The following SATB1 variants were observed in gnomAD, a reference collection of about 807,000 sequenced individuals.
The protein encoded by SATB1 is DNA-binding protein SATB1.
Under a neutral mutation model 86.9 loss-of-function variants are expected in SATB1, and 11 were observed. The observed-to-expected ratio is 0.13, with a 90% CI of 0.08 to 0.21. The LOEUF (loss-of-function observed/expected upper bound fraction) is 0.21. SATB1 is among the 10% of genes least tolerant of loss of function. SATB1 has a pLI of 1.00. For missense variants in SATB1, 551 were observed against 937.6 expected, an observed-to-expected ratio of 0.59 and a Z score of 5.39; for synonymous variants, 357 against 357.2, an observed-to-expected ratio of 1.00 and a Z score of 0.01.
chr3:18,392,110 T>C (rs1355325424), intron 7 of SATB1, among the ~76,000 whole-genome samples: 3 of 152,336 alleles, frequency 2.0e-5, no homozygotes, highest in Admixed American at 6.5e-5. Context: ...TTTTTGGTAA[T>C]GACTTTTTTT....
chr3:18,413,618 A>T (rs1230664204), intron 5 of SATB1, among the ~76,000 whole-genome samples: 1 of 151,114 alleles, frequency 6.6e-6, no homozygotes, highest in Non-Finnish European at 1.5e-5. Context: ...TTCATTTGTG[A>T]TTAATTTAAA....
Position 18,444,620 on chromosome 3 carries a change from T to C in SATB1, c.-25+898A>G, listed in dbSNP as rs2125216587. On this transcript the variant is annotated intron_variant, in intron 1 of 3. Coordinates refer to the SATB1 transcript ENST00000415069. This position sits in a 1 kb window ranked among gnomAD's most constrained non-coding sequence, Gnocchi z 5.1. ...AGCAGAACTCACTCAGGCATGGACG[T>C]TGGGGGCGGCGGTGGCTGTCGAGTG... 3.0e-6 allele frequency: 3 copies of C among 985,118 alleles called. No individual in the cohort carries two copies. Among genetic ancestry groups the C allele is most frequent in the South Asian group, 4.7e-5 (1 of 21,346 alleles). The allele number at this position is 985,118 out of a possible 1,614,324, so 61.0% of individuals were successfully genotyped here.
In SATB1 at chr3:18,378,067, C is replaced by T. The variant is rs1396070981; in HGVS notation, c.1575+103G>A. 1.6e-5 allele frequency: 15 copies of T among 928,076 alleles called. No individual in the cohort carries two copies. The Admixed American group carries it at 4.2e-4, about 26-fold the overall frequency. 57.5% of individuals were successfully genotyped at this position (928,076 alleles called of 1,614,324 possible). A position where few individuals can be genotyped will look rare whatever the true frequency, so the allele number is the denominator to read the frequency against. On this transcript the variant is annotated intron_variant, in intron 9 of 10. Transcript: ENST00000338745. ...CTGGAAATAATCCTAGACACAGAGG[C>T]CTCTCCGTGATGCAAGTTCATACTG... is the stretch of plus-strand genomic sequence containing the variant.
rs768125198 is a variant in SATB1, at chr3:18,349,756, A to T, written c.1780-74T>A. 3.5e-5 allele frequency: 53 copies of T among 1,509,808 alleles called. No individual in the cohort carries two copies. Among genetic ancestry groups the T allele is most frequent in the Non-Finnish European group, 4.6e-5 (52 of 1,130,630 alleles). The allele number at this position is 1,509,808 out of a possible 1,614,324, so 93.5% of individuals were successfully genotyped here. ...ACACAAAGCCGTCTCCAATCAGGAA[A>T]AATGTGGTCCCGGATCCTACATATA... On this transcript the variant is annotated intron_variant, in intron 10 of 10. Coordinates refer to ENST00000338745, the MANE Select transcript of SATB1 (RefSeq NM_002971.6). The surrounding 1 kb of genome is among the most constrained non-coding windows in gnomAD (Gnocchi z 5.5).
chr3:18,379,474 T>C lies in SATB1; in HGVS notation c.1420-1149A>G, dbSNP rs1400827109. On this transcript the variant is annotated intron_variant, in intron 8 of 10. Coordinates refer to ENST00000338745, the MANE Select transcript of SATB1 (RefSeq NM_002971.6). ...TCTATCCTCTAGAAACTTACCATCC[T>C]GGACAATTTCTCACATAAACCATGA... Among the ~76,000 whole-genome samples the C allele has an allele frequency of 3.9e-5, 6 of 152,216 alleles. No individual in the cohort carries two copies. The East Asian group carries it at 1.2e-3, about 29-fold the overall frequency.
At chr3:18,362,883 CA>C (rs1313335792) in intron 9 of SATB1, among the ~76,000 whole-genome samples, 1 of 51,060 alleles carries the variant, frequency 2.0e-5, no homozygotes, top group Non-Finnish European at 5.2e-5. Flanking sequence ...AAAAAAAAAC[CA>C]AAACCCCAAA....
At chr3:18,383,644 CTGTGT>C (rs1696169303) in intron 8 of SATB1, among the ~76,000 whole-genome samples, 1 of 151,998 alleles carries the variant, frequency 6.6e-6, no homozygotes, top group African/African-American at 2.4e-5. Flanking sequence ...ATTTTGCAGT[CTGTGT>C]TATCTGTGGT....
At chr3:18,396,316 A>G (rs1696963377) in intron 6 of SATB1, among the ~76,000 whole-genome samples, 1 of 152,234 alleles carries the variant, frequency 6.6e-6, no homozygotes, top group South Asian at 2.1e-4. Flanking sequence ...ATGTAAAGAA[A>G]TAAATAGAAA....
rs573994798 is a variant in SATB1, at chr3:18,356,017, G to A, written c.1576-3822C>T. Among the ~76,000 whole-genome samples, 13 of 151,986 alleles carry A rather than the reference G, an allele frequency of 8.6e-5. No homozygotes were observed. The South Asian group carries it at 2.3e-3, about 27-fold the overall frequency. ...GACAAAGTTTAATTTGACACCTTCTGTTCTAAACCCTTTGTTTCTATTCAA... is the reference window on the plus strand; with the variant it reads ...GACAAAGTTTAATTTGACACCTTCTATTCTAAACCCTTTGTTTCTATTCAA... On this transcript the variant is annotated intron_variant, in intron 9 of 10. Coordinates refer to ENST00000338745, the MANE Select transcript of SATB1 (RefSeq NM_002971.6).
chr3:18,406,972 A>C (rs1025375613), intron 5 of SATB1, among the ~76,000 whole-genome samples: 2 of 152,064 alleles, frequency 1.3e-5, no homozygotes, highest in African/African-American at 4.8e-5. Context: ...TATGACAGTG[A>C]TGAATACAAC....
chr3:18,425,934 CCACAAAAAG>C (rs1698682465), upstream of SATB1, among the ~76,000 whole-genome samples: 1 of 151,968 alleles, frequency 6.6e-6, no homozygotes, highest in South Asian at 2.1e-4. Flanking sequence ...GCCACAAAAG[CCACAAAAAG>C]GAGTACGCCT....
At chr3:18,367,026 C>G (rs1019871105) in intron 9 of SATB1, among the ~76,000 whole-genome samples, 1 of 152,120 alleles carries the variant, frequency 6.6e-6, no homozygotes, top group Admixed American at 6.5e-5. Flanking sequence ...CTTTAAGGGA[C>G]GTTAGATATA....
chr3:18,398,136 C>T (rs754391494), intron 5 of SATB1, among the ~76,000 whole-genome samples: 1 of 152,042 alleles, frequency 6.6e-6, no homozygotes. Context: ...TTAATAAATG[C>T]CCGGAAAACT....
chr3:18,379,555 G>GAT (rs1695938441), intron 8 of SATB1, among the ~76,000 whole-genome samples: 1 of 152,124 alleles, frequency 6.6e-6, no homozygotes, highest in African/African-American at 2.4e-5. Context: ...GGCATTAAAT[G>GAT]ATATAGCCTT....
chr3:18,391,476 C>G (rs1696668382), intron 7 of SATB1, among the ~76,000 whole-genome samples: 1 of 151,174 alleles, frequency 6.6e-6, no homozygotes, highest in African/African-American at 2.4e-5. Context: ...GCGCTGCACC[C>G]ACTAAGTCGT....
chr3:18,383,261 G>C (rs1696151984), intron 8 of SATB1, among the ~76,000 whole-genome samples: 1 of 152,186 alleles, frequency 6.6e-6, no homozygotes, highest in East Asian at 1.9e-4. Context: ...GGTGTCCCCA[G>C]GTGGGGTCTG....
At chr3:18,378,129 A>AC in intron 9 of SATB1, 41 bp downstream of exon 9, 1 of 1,508,080 alleles carries the variant, frequency 6.6e-7, no homozygotes. Context: ...TTCTACAGGC[A>AC]ACACAGATAA....
At chr3:18,440,418 T>G (rs1221526876), upstream of SATB1, among the ~76,000 whole-genome samples, 2 of 152,190 alleles carry the variant, frequency 1.3e-5, no homozygotes, top group African/African-American at 4.8e-5. Flanking sequence ...TCTGAAGCCC[T>G]GGATTATAGC....
chr3:18,375,492 T>C (rs1342852220), intron 9 of SATB1, among the ~76,000 whole-genome samples: 1 of 152,136 alleles, frequency 6.6e-6, no homozygotes, highest in Non-Finnish European at 1.5e-5. Flanking sequence ...CATTTTGTCT[T>C]GGGGGACTGC....
Sources: gnomAD v4.1 joint callset for allele counts (sites outside exome capture counted in the v4.1 genomes callset) on GRCh38, gnomAD v4.1.1 for gene constraint, Gnocchi (gnomAD v3.1) non-coding constraint, MANE v1.5 for transcripts, NCBI Gene and HGNC (gene_info 2026-07-23, HGNC 2026-07-21) for gene names.